The following FAT3 variants were observed in gnomAD, a reference collection of about 807,000 sequenced individuals.
FAT3 encodes the protein FAT atypical cadherin 3, also known as protocadherin Fat 3.
FAT3 carries 95 observed loss-of-function variants against 310.2 expected under a neutral mutation model. The observed-to-expected ratio is 0.31, with a 90% CI of 0.26 to 0.36. The LOEUF is 0.36. FAT3 is among the 10% of genes least tolerant of loss of function. The probability of loss-of-function intolerance (pLI) is 1.00; values close to 1 mark genes in which losing one functional copy is unlikely to be tolerated. For missense variants in FAT3, 5,408 were observed against 5,715.6 expected, an observed-to-expected ratio of 0.95 and a Z score of 1.74; for synonymous variants, 2,314 against 2,192.9, an observed-to-expected ratio of 1.06 and a Z score of -1.54.
intron 25 of FAT3, 34 bp downstream of exon 25, chr11:92,887,147 G>A (rs1041746451): frequency 1.9e-6 from 3 of 1,557,046 alleles, no homozygotes; most frequent in African/African-American, 2.7e-5. Flanking sequence ...GGAGCGGGTG[G>A]GTTCTGCTTC....
At chr11:92,584,264 A>C (rs181219932) in intron 3 of FAT3, among the ~76,000 whole-genome samples, 1 of 151,994 alleles carries the variant, frequency 6.6e-6, no homozygotes, top group African/African-American at 2.4e-5. Flanking sequence ...GGGCACAGCA[A>C]CTTTGCTTTG....
At chr11:92,484,906 A>G in intron 2 of FAT3, among the ~76,000 whole-genome samples, 1 of 152,168 alleles carries the variant, frequency 6.6e-6, no homozygotes, top group East Asian at 1.9e-4. Context: ...TGGACAAGTA[A>G]TTTTTGGGCG....
intron 2 of FAT3, among the ~76,000 whole-genome samples, chr11:92,364,375 T>C (rs919195014): frequency 5.9e-5 from 9 of 152,182 alleles, no homozygotes; most frequent in Non-Finnish European, 8.8e-5. Context: ...TTGCTTCATA[T>C]ATTTGTGACT....
At chr11:92,315,512 TAGAGAGAGAGAGAGAGAGAGAGAGAG>T (rs374021850) in intron 1 of FAT3, among the ~76,000 whole-genome samples, 1 of 56,174 alleles carries the variant, frequency 1.8e-5, no homozygotes, top group Non-Finnish European at 3.3e-5. Context: ...TATATATATA[TAGAGAGAGAGAGAGAGAGAGAGAGAG>T]AGAGAGAGAG....
intron 3 of FAT3, among the ~76,000 whole-genome samples, chr11:92,542,284 A>C (rs1954474436): frequency 6.6e-6 from 1 of 152,102 alleles, no homozygotes; most frequent in South Asian, 2.1e-4. Context: ...TGGGCAAAGA[A>C]TTTTTGGATA....
intron 1 of FAT3, among the ~76,000 whole-genome samples, chr11:92,322,504 C>G (rs897276319): frequency 6.6e-6 from 1 of 152,116 alleles, no homozygotes; most frequent in African/African-American, 2.4e-5. Context: ...CTTCCTTTCA[C>G]GAAAGATTCC....
chr11:92,799,830 G>A lies in FAT3; in HGVS notation c.6817G>A (p.Val2273Ile), dbSNP rs752940013. The A allele has an allele frequency of 7.4e-6, 12 of 1,613,242 alleles. No individual in the cohort carries two copies. Among genetic ancestry groups the A allele is most frequent in the African/African-American group, 6.7e-5 (5 of 74,910 alleles). The stretch of plus-strand genomic sequence containing the variant: ...TACTGGTGCTAGGGCTGAAGTCACT[G>A]TTGACTTGCTAGTTAATGATGTAAA... ...ALTGARAEVT[V>I]DLLVNDVNDN... Residue 2273 changes from valine to isoleucine, a missense_variant, in exon 10 of 28, where the codon GTT (valine) becomes ATT (isoleucine). Physicochemically the swap from Val to Ile is conservative, Grantham distance 29 (BLOSUM62 3). Coordinates refer to ENST00000525166, the MANE Select transcript of FAT3 (RefSeq NM_001367949.2).
rs758308600 is a variant in FAT3, at chr11:92,800,821, T to G, written c.7808T>G (p.Val2603Gly). ...ENDNAPQFMT[V>G]EYRASVRADV... ...GACAATGCTCCCCAGTTCATGACAG[T>G]GGAATATAGAGCCAGTGTCAGGGCA... Residue 2603 changes from valine (V) to glycine (G), a missense_variant, in exon 10 of 28, where the codon GTG (valine) becomes GGG (glycine). Coordinates refer to ENST00000525166, the MANE Select transcript of FAT3 (RefSeq NM_001367949.2). The G allele has an allele frequency of 4.3e-6, 7 of 1,613,716 alleles. No homozygotes were observed. The highest frequency in any genetic ancestry group is 5.9e-6 in the Non-Finnish European group (7 of 1,179,836).
chr11:92,330,868 G>A (rs1947900989), intron 1 of FAT3, among the ~76,000 whole-genome samples: 1 of 152,030 alleles, frequency 6.6e-6, no homozygotes, highest in Non-Finnish European at 1.5e-5. Context: ...TGAATAATGT[G>A]AAGTATTTTA....
intron 1 of FAT3, among the ~76,000 whole-genome samples, chr11:92,309,931 C>T (rs1416465179): frequency 6.7e-6 from 1 of 149,814 alleles, no homozygotes; most frequent in Non-Finnish European, 1.5e-5. Flanking sequence ...AGAGTTAGTG[C>T]TCGACTTCTG....
chr11:92,678,864 A>G (rs554709134), intron 3 of FAT3, among the ~76,000 whole-genome samples: 5 of 152,332 alleles, frequency 3.3e-5, no homozygotes, highest in East Asian at 3.9e-4. Context: ...CATAGATTGC[A>G]TAGTGGTCAA....
intron 4 of FAT3, among the ~76,000 whole-genome samples, chr11:92,701,865 G>GT (rs773935491): frequency 3.0e-4 from 46 of 152,220 alleles, no homozygotes; most frequent in Middle Eastern, 3.4e-3. Flanking sequence ...TATGGATTGT[G>GT]TTTTTTTGTT....
At chr11:92,780,387 T>C (rs1194154788) in intron 7 of FAT3, among the ~76,000 whole-genome samples, 1 of 152,128 alleles carries the variant, frequency 6.6e-6, no homozygotes, top group Non-Finnish European at 1.5e-5. Context: ...GGTCTTGAAC[T>C]CTTGGGCTTT....
At chr11:92,413,731 A>G (rs1334631770) in intron 2 of FAT3, among the ~76,000 whole-genome samples, 7 of 152,202 alleles carry the variant, frequency 4.6e-5, no homozygotes, top group Non-Finnish European at 7.3e-5. Context: ...TGAACAGCAC[A>G]AAGTTGAAAA....
At chr11:92,530,928 G>A (rs1954045123) in intron 3 of FAT3, among the ~76,000 whole-genome samples, 1 of 151,782 alleles carries the variant, frequency 6.6e-6, no homozygotes, top group Non-Finnish European at 1.5e-5. Flanking sequence ...AGGTACAAGG[G>A]TCCAAATATT....
intron 3 of FAT3, among the ~76,000 whole-genome samples, chr11:92,563,447 G>T (rs1324071734): frequency 6.6e-6 from 1 of 152,162 alleles, no homozygotes; most frequent in South Asian, 2.1e-4. Context: ...GTCAACTTCA[G>T]ACACTACCAG....
chr11:92,268,177 G>A (rs1946022015), intron 1 of FAT3, among the ~76,000 whole-genome samples: 1 of 152,058 alleles, frequency 6.6e-6, no homozygotes, highest in Non-Finnish European at 1.5e-5. Flanking sequence ...CTGACAGATA[G>A]CTATTATCCC....
rs1368541313 is a variant in FAT3 at position 92,512,510 on chromosome 11, A to AT, written c.3293-12124_3293-12123insT. ...TGCCCTGTTTTATATCTCAAAAAAA[A>AT]ATATATATAAATATATATAAATTAT... On this transcript the variant is annotated intron_variant, in intron 2 of 27. Coordinates refer to ENST00000525166, the MANE Select transcript of FAT3 (RefSeq NM_001367949.2). 8.6e-3 allele frequency among the ~76,000 whole-genome samples: 1,269 copies of AT among 146,720 alleles called. 13 individuals carry two copies. The highest frequency in any genetic ancestry group is 0.028 in the African/African-American group (1,113 of 40,290).
chr11:92,306,448 C>G (rs1479962941), intron 1 of FAT3, among the ~76,000 whole-genome samples: 4 of 139,358 alleles, frequency 2.9e-5, no homozygotes. Context: ...GAGCTTTTTC[C>G]AAGGCTCTCC....
Sources: gnomAD v4.1 joint callset for allele counts (sites outside exome capture counted in the v4.1 genomes callset) on GRCh38, gnomAD v4.1.1 for gene constraint, MANE v1.5 for transcripts, NCBI Gene and HGNC (gene_info 2026-07-23, HGNC 2026-07-21) for gene names.